PKP4: variants seen among roughly 807,000 people sequenced by gnomAD.
PKP4 encodes plakophilin 4.
In PKP4, 90 loss-of-function variants were observed where a neutral mutation model predicts 145.1. The ratio of observed to expected loss-of-function variants is 0.62; its 90% CI spans 0.52 to 0.74. PKP4 has a LOEUF of 0.74. PKP4 is among the 30% of genes least tolerant of loss of function. The pLI is 0.00. For missense variants in PKP4, 1,340 were observed against 1,482.7 expected (o/e 0.90, Z 1.58); for synonymous variants, 563 against 577.2 (o/e 0.98, Z 0.35).
At chr2:158,560,827 T>G (rs920018748) in intron 2 of PKP4, among the ~76,000 whole-genome samples, 2 of 152,232 alleles carry the variant, frequency 1.3e-5, no homozygotes, top group African/African-American at 4.8e-5. Context: ...TACAGATGTT[T>G]AAGTGACTTG....
chr2:158,656,762 T>C (rs1356100687), intron 11 of PKP4, among the ~76,000 whole-genome samples: 5 of 152,094 alleles, frequency 3.3e-5, no homozygotes, highest in Admixed American at 2.6e-4. Context: ...CAGTTTAGAG[T>C]CAGAAGATTG....
rs758276019 is a variant in PKP4 at position 158,666,415 on chromosome 2, T to G, written c.2580T>G (p.Phe860Leu). 1.3e-6 allele frequency: 2 copies of G among 1,595,660 alleles called. No homozygotes were observed. Among genetic ancestry groups the G allele is most frequent in the African/African-American group, 1.4e-5 (1 of 73,782 alleles). Residue 860 changes from phenylalanine (F) to leucine (L), a missense_variant and splice_region_variant, in exon 16 of 22, where the codon TTT (phenylalanine) becomes TTG (leucine). Phe to Leu is a conservative substitution (Grantham distance 22). Transcript: ENST00000389759. ...LQNLSAGNWK[F>L]AAYIRAAVRK... The stretch of plus-strand genomic sequence containing the variant: ...TCCTGCCTTATTTTTCTCACTAGTT[T>G]GCAGCATATATCCGGGCGGCCGTCC...
At chr2:158,633,109 A>G (rs2053523569) in intron 8 of PKP4, among the ~76,000 whole-genome samples, 1 of 152,200 alleles carries the variant, frequency 6.6e-6, no homozygotes, top group Non-Finnish European at 1.5e-5. Flanking sequence ...CAGTGTTATT[A>G]CAATCCACAG....
At position 158,634,212 on chromosome 2, in the gene PKP4, C is replaced by T; in HGVS notation, c.1485C>T (p.Asn495=). The T allele has an allele frequency of 1.2e-6, 2 of 1,614,096 alleles. No homozygotes were observed. The highest frequency in any genetic ancestry group is 1.7e-6 in the Non-Finnish European group (2 of 1,180,000). The change falls in exon 9 of 22, where the codon AAC becomes AAT. Residue 495 remains asparagine (N), a synonymous_variant. Transcript: ENST00000389759. ...IQYRVQECNY[N]RLQHAVPADD... ...ACCGAGTGCAAGAGTGCAATTATAA[C>T]AGGCTTCAGCATGCAGTGCCGGCTG... is the stretch of plus-strand genomic sequence containing the variant.
chr2:158,638,607 T>A (rs2105926057), intron 9 of PKP4, among the ~76,000 whole-genome samples: 1 of 152,294 alleles, frequency 6.6e-6, no homozygotes, highest in South Asian at 2.1e-4. Context: ...TTTTAGATCA[T>A]CTGGCTGCTG....
chr2:158,590,507 G>A lies in PKP4; in HGVS notation c.246-12563G>A, dbSNP rs1043555305. On this transcript the variant is annotated intron_variant, in intron 3 of 21. Coordinates refer to ENST00000389759, the MANE Select transcript of PKP4 (RefSeq NM_003628.6). ...GATTTAGTTACATTATCAATAATGG[G>A]GCTATTTCAGCCACAGAGAAAATTC... is the stretch of plus-strand genomic sequence containing the variant. Among the ~76,000 whole-genome samples, 2 of 151,458 alleles carry A rather than the reference G, an allele frequency of 1.3e-5. 1 individual carries two copies. Among genetic ancestry groups the A allele is most frequent in the South Asian group, 4.2e-4 (2 of 4,774 alleles).
intron 1 of PKP4, among the ~76,000 whole-genome samples, chr2:158,459,502 C>G (rs1314815896): frequency 2.0e-5 from 3 of 152,096 alleles, no homozygotes; most frequent in African/African-American, 7.2e-5. Context: ...ATTTTGCACT[C>G]AGAAACGTTT....
At chr2:158,617,611 A>G (rs1044591715) in intron 4 of PKP4, among the ~76,000 whole-genome samples, 1 of 152,230 alleles carries the variant, frequency 6.6e-6, no homozygotes, top group Non-Finnish European at 1.5e-5. Context: ...TAAATAATAC[A>G]TAATTGGTAA....
At chr2:158,457,493 C>A (rs1020880452) in intron 1 of PKP4, 1 of 152,440 alleles carries the variant, frequency 6.6e-6, no homozygotes, top group Non-Finnish European at 1.5e-5. Context: ...GTCTCCCGTA[C>A]GCGCAGCGCA....
chr2:158,673,842 T>C (rs375099096), intron 18 of PKP4, 41 bp from the exon 19 acceptor site: 182 of 1,471,958 alleles, frequency 1.2e-4, no homozygotes, highest in Non-Finnish European at 1.5e-4. Flanking sequence ...TGAAATGTCA[T>C]TATTCATTTT....
chr2:158,521,639 A>T (rs1185454477), intron 1 of PKP4, among the ~76,000 whole-genome samples: 2 of 152,148 alleles, frequency 1.3e-5, no homozygotes, highest in Admixed American at 6.5e-5. Flanking sequence ...AGGATATTTT[A>T]AAAATATAAC....
At chr2:158,602,309 G>T (rs2050295396) in intron 3 of PKP4, among the ~76,000 whole-genome samples, 2 of 152,038 alleles carry the variant, frequency 1.3e-5, no homozygotes, top group South Asian at 4.1e-4. Flanking sequence ...TAACAATAAG[G>T]GTGTACCTAT....
chr2:158,634,723 A>G (rs2053662750), intron 9 of PKP4, among the ~76,000 whole-genome samples: 1 of 152,374 alleles, frequency 6.6e-6, no homozygotes, highest in South Asian at 2.1e-4. Context: ...CATGTTTTCA[A>G]TCATAGTGGT....
chr2:158,568,966 C>A (rs2105760847), intron 2 of PKP4, among the ~76,000 whole-genome samples: 1 of 152,182 alleles, frequency 6.6e-6, no homozygotes, highest in African/African-American at 2.4e-5. Context: ...GAGTGAGAAT[C>A]TTTCTCCAAA....
intron 2 of PKP4, among the ~76,000 whole-genome samples, chr2:158,549,688 T>A (rs2045421960): frequency 6.6e-6 from 1 of 152,180 alleles, no homozygotes; most frequent in Non-Finnish European, 1.5e-5. Context: ...TAGCCCAGTA[T>A]TTTAATCTTC....
intron 1 of PKP4, among the ~76,000 whole-genome samples, chr2:158,482,930 A>G (rs1332505677): frequency 1.3e-5 from 2 of 152,064 alleles, no homozygotes; most frequent in Non-Finnish European, 2.9e-5. Flanking sequence ...AGTTTGTGAT[A>G]CAGTGTTTGT....
At position 158,666,486 on chromosome 2, in the gene PKP4, A is replaced by G. The variant is rs753879585; in HGVS notation, c.2651A>G (p.Asp884Gly). The change falls in exon 16 of 22, where the codon GAT (aspartate) becomes GGT (glycine). Residue 884 changes from aspartate to glycine, a missense_variant. Coordinates refer to ENST00000389759, the MANE Select transcript of PKP4 (RefSeq NM_003628.6). ...ATCCTTGTGGAGCTTCTGAGAATGG[A>G]TAACGATAGAGTTGTTTCTTCCGTG... is the stretch of plus-strand genomic sequence containing the variant. ...LPILVELLRM[D>G]NDRVVSSVAT... 8 of 1,613,708 alleles carry G rather than the reference A, an allele frequency of 5.0e-6. No individual in the cohort carries two copies. The Admixed American group carries it at 1.2e-4, about 24-fold the overall frequency.
At chr2:158,559,638 C>T (rs574191171) in intron 2 of PKP4, among the ~76,000 whole-genome samples, 8 of 152,236 alleles carry the variant, frequency 5.3e-5, no homozygotes, top group Non-Finnish European at 1.2e-4. Flanking sequence ...TTGATCTTTT[C>T]CTGTGTATTA....
chr2:158,623,958 T>C (rs1049145553), intron 6 of PKP4, among the ~76,000 whole-genome samples: 2 of 152,158 alleles, frequency 1.3e-5, no homozygotes, highest in African/African-American at 4.8e-5. Flanking sequence ...TGAAAAACAG[T>C]GTCCAGCACC....
Sources: gnomAD v4.1 joint callset for allele counts (sites outside exome capture counted in the v4.1 genomes callset) on GRCh38, gnomAD v4.1.1 for gene constraint, MANE v1.5 for transcripts, NCBI Gene and HGNC (gene_info 2026-07-23, HGNC 2026-07-21) for gene names.